The following IGSF21 variants were observed in gnomAD, a reference collection of about 807,000 sequenced individuals.
The protein encoded by IGSF21 is immunoglobin superfamily member 21, also known as immunoglobulin superfamily member 21.
In IGSF21, 28 loss-of-function variants were observed where a neutral mutation model predicts 46.8. The observed-to-expected ratio is 0.60, with a 90% CI of 0.44 to 0.82. The LOEUF (loss-of-function observed/expected upper bound fraction) is 0.82. IGSF21 is among the 40% of genes least tolerant of loss of function. IGSF21 has a pLI of 0.00. For synonymous variants in IGSF21, 284 were observed against 273.6 expected, an observed-to-expected ratio of 1.04 and a Z score of -0.38; for missense variants, 624 against 665.5, an observed-to-expected ratio of 0.94 and a Z score of 0.69.
chr1:18,273,711 T>C (rs981783799), intron 2 of IGSF21, among the ~76,000 whole-genome samples: 1 of 151,852 alleles, frequency 6.6e-6, no homozygotes, highest in Non-Finnish European at 1.5e-5. Context: ...TGATTTTTTA[T>C]TGAACAGTTT....
At position 18,335,536 on chromosome 1, in the gene IGSF21, C is replaced by T. The variant is rs1384541868; in HGVS notation, c.424+526C>T. Among the ~76,000 whole-genome samples the T allele has an allele frequency of 6.6e-6, 1 of 152,166 alleles. No individual in the cohort carries two copies. The highest frequency in any genetic ancestry group is 1.5e-5 in the Non-Finnish European group (1 of 68,028). ...TAGCTGGCTGGGTCCTTGGGTAAGT[C>T]TATCCCCATCCCAGACTCAGTTTTC... On this transcript the variant is annotated intron_variant, in intron 4 of 9. Transcript: ENST00000251296. This position sits in a 1 kb window ranked among gnomAD's most constrained non-coding sequence, Gnocchi z 4.8.
chr1:18,143,136 T>C (rs1437683367), intron 1 of IGSF21, among the ~76,000 whole-genome samples: 3 of 152,106 alleles, frequency 2.0e-5, no homozygotes, highest in Non-Finnish European at 4.4e-5. Context: ...CGCAGATGAG[T>C]GGGCATCTGT....
At chr1:18,162,202 C>A (rs1252932334) in intron 1 of IGSF21, among the ~76,000 whole-genome samples, 2 of 152,100 alleles carry the variant, frequency 1.3e-5, no homozygotes, top group African/African-American at 2.4e-5. Context: ...CGTGCCACCA[C>A]ATGTGCCTGT....
At chr1:18,332,103 T>C (rs1004984196) in intron 3 of IGSF21, among the ~76,000 whole-genome samples, 1 of 152,238 alleles carries the variant, frequency 6.6e-6, no homozygotes, top group Non-Finnish European at 1.5e-5. Flanking sequence ...CCTACATGTG[T>C]CACCCAAGCA....
intron 4 of IGSF21, among the ~76,000 whole-genome samples, chr1:18,346,932 C>A (rs990552258): frequency 1.3e-5 from 2 of 152,112 alleles, no homozygotes; most frequent in South Asian, 4.1e-4. Flanking sequence ...TGGACCTGGT[C>A]AGGGAGCTGG....
chr1:18,283,723 C>T (rs1414694411), intron 2 of IGSF21, among the ~76,000 whole-genome samples: 1 of 152,094 alleles, frequency 6.6e-6, no homozygotes, highest in Non-Finnish European at 1.5e-5. Context: ...CTTTCTTGCC[C>T]CCCTGCCCGA....
intron 3 of IGSF21, among the ~76,000 whole-genome samples, chr1:18,303,777 G>A (rs1174518041): frequency 6.6e-6 from 1 of 152,212 alleles, no homozygotes; most frequent in African/African-American, 2.4e-5. Context: ...GCAACACAGA[G>A]AGAGGTGGGG....
At chr1:18,254,618 C>T (rs1240710273) in intron 2 of IGSF21, among the ~76,000 whole-genome samples, 1 of 152,092 alleles carries the variant, frequency 6.6e-6, no homozygotes, top group Non-Finnish European at 1.5e-5. Flanking sequence ...GCCATTGCTC[C>T]CAAAGGGGTA....
intron 4 of IGSF21, among the ~76,000 whole-genome samples, chr1:18,342,318 T>C (rs953983041): frequency 6.6e-6 from 1 of 152,174 alleles, no homozygotes; most frequent in African/African-American, 2.4e-5. Context: ...GGTCTTGAAC[T>C]CCTGACCTCA....
chr1:18,305,499 T>TGGAA (rs1462605327), intron 3 of IGSF21, among the ~76,000 whole-genome samples: 3 of 141,746 alleles, frequency 2.1e-5, no homozygotes, highest in Non-Finnish European at 4.5e-5. Flanking sequence ...GATGGATGGA[T>TGGAA]GGATGGATGG....
At chr1:18,182,274 T>C (rs2086864708) in intron 1 of IGSF21, among the ~76,000 whole-genome samples, 1 of 151,508 alleles carries the variant, frequency 6.6e-6, no homozygotes, top group Admixed American at 6.6e-5. Flanking sequence ...CTTCCTAGGT[T>C]CAAGTGATGC....
intron 6 of IGSF21, among the ~76,000 whole-genome samples, chr1:18,374,503 C>A (rs995800851): frequency 6.6e-6 from 1 of 152,006 alleles, no homozygotes; most frequent in Non-Finnish European, 1.5e-5. Context: ...GAACTCAGCT[C>A]GCAGGTATCC....
At chr1:18,348,638 G>A (rs769927814) in intron 4 of IGSF21, among the ~76,000 whole-genome samples, 5 of 152,204 alleles carry the variant, frequency 3.3e-5, no homozygotes, top group African/African-American at 7.2e-5. Context: ...GGAAGTTACA[G>A]GTGTTAACAG....
intron 6 of IGSF21, 98 bp from the exon 7 acceptor site, chr1:18,376,212 A>T: frequency 1.2e-6 from 1 of 837,662 alleles, no homozygotes; most frequent in Non-Finnish European, 2.1e-6. Flanking sequence ...GAAGCAGCTG[A>T]TCCCAAGGAT....
chr1:18,217,656 A>G (rs1320877045), intron 1 of IGSF21, among the ~76,000 whole-genome samples: 1 of 152,168 alleles, frequency 6.6e-6, no homozygotes, highest in Non-Finnish European at 1.5e-5. Flanking sequence ...CACTCCAGCA[A>G]GACTTCTTGT....
At chr1:18,139,009 T>C (rs2086391454) in intron 1 of IGSF21, among the ~76,000 whole-genome samples, 2 of 152,202 alleles carry the variant, frequency 1.3e-5, no homozygotes. Flanking sequence ...GTCGTGGCTT[T>C]GCCGTTAAAA....
intron 2 of IGSF21, among the ~76,000 whole-genome samples, chr1:18,235,784 A>G (rs993524886): frequency 2.6e-4 from 39 of 152,190 alleles, no homozygotes; most frequent in African/African-American, 8.7e-4. Context: ...CTTTATTAAA[A>G]AGGTCACTTC....
In IGSF21 at chr1:18,315,494, T is replaced by C. The variant is rs76442772; in HGVS notation, c.306-19398T>C. On this transcript the variant is annotated intron_variant, in intron 3 of 9. Transcript: ENST00000251296. ...TTCCTAGTAATTACCCCATCTACCA[T>C]TGAGTGGCACATGCTAGACACTCAG... Among the ~76,000 whole-genome samples, 1,315 of 152,264 alleles carry C rather than the reference T, an allele frequency of 8.6e-3. 9 individuals are homozygous for C. Among genetic ancestry groups the C allele is most frequent in the Middle Eastern group, 0.024 (7 of 294 alleles).
chr1:18,301,120 T>A (rs1393167689), intron 3 of IGSF21, among the ~76,000 whole-genome samples: 1 of 152,226 alleles, frequency 6.6e-6, no homozygotes, highest in Non-Finnish European at 1.5e-5. Flanking sequence ...GATCTCAGAC[T>A]CATTGAATCC....
Sources: gnomAD v4.1 joint callset for allele counts (sites outside exome capture counted in the v4.1 genomes callset) on GRCh38, gnomAD v4.1.1 for gene constraint, Gnocchi (gnomAD v3.1) non-coding constraint, MANE v1.5 for transcripts, NCBI Gene and HGNC (gene_info 2026-07-23, HGNC 2026-07-21) for gene names.